FRK: variants seen among roughly 807,000 people sequenced by gnomAD.
The protein encoded by FRK is tyrosine-protein kinase FRK.
A neutral mutation model predicts 56.4 loss-of-function variants in FRK; 51 were observed. The observed-to-expected ratio is 0.90, with a 90% confidence interval of 0.72 to 1.14. The LOEUF (loss-of-function observed/expected upper bound fraction) is 1.14. FRK is among the 50% of genes most tolerant of loss of function. FRK has a pLI of 0.00. For synonymous variants in FRK, 245 were observed against 217.9 expected, an observed-to-expected ratio of 1.12 and a Z score of -1.10; for missense variants, 570 against 601.4, an observed-to-expected ratio of 0.95 and a Z score of 0.55.
the FRK span, among the ~76,000 whole-genome samples, chr6:116,096,744 G>C: frequency 6.6e-6 from 1 of 152,210 alleles, no homozygotes; most frequent in Non-Finnish European, 1.5e-5. Context: ...AATAAAAGCT[G>C]TCCACTCCAG....
chr6:116,099,305 G>A, the FRK span, among the ~76,000 whole-genome samples: 1 of 152,170 alleles, frequency 6.6e-6, no homozygotes, highest in Admixed American at 6.5e-5. Context: ...GTATTACTAA[G>A]GGAAGTCCCT....
intron 4 of FRK, among the ~76,000 whole-genome samples, chr6:115,957,331 T>C (rs138184502): frequency 2.0e-5 from 3 of 152,224 alleles, no homozygotes; most frequent in Non-Finnish European, 4.4e-5. Context: ...CTCTGACTCA[T>C]CATGCAAGGT....
chr6:115,991,303 C>G (rs1774595916), intron 2 of FRK, among the ~76,000 whole-genome samples: 1 of 151,784 alleles, frequency 6.6e-6, no homozygotes, highest in South Asian at 2.1e-4. Flanking sequence ...ATTTCCAGTA[C>G]TATATTGAAT....
Position 116,059,988 on chromosome 6 carries a change from G to A in FRK, c.324C>T (p.Asp108=). Residue 108 remains aspartate, a synonymous_variant, in exon 1 of 8, where the codon GAC becomes GAT. Coordinates refer to ENST00000606080, the MANE Select transcript of FRK (RefSeq NM_002031.3). The stretch of plus-strand genomic sequence containing the variant: ...CTCACGGCTCTGCCTGTAGGCTTCT[G>A]TCCTCAGCCACGTAGTTAGAAGGAA... The part of the protein sequence containing the change: ...GYIPSNYVAE[D]RSLQAEPWFF... 6.2e-7 allele frequency: 1 copy of A among 1,614,024 alleles called. No individual in the cohort carries two copies. The highest frequency in any genetic ancestry group is 8.5e-7 in the Non-Finnish European group (1 of 1,179,918).
intron 2 of FRK, among the ~76,000 whole-genome samples, chr6:115,970,601 T>A (rs1413237238): frequency 1.3e-5 from 2 of 152,206 alleles, no homozygotes; most frequent in Admixed American, 1.3e-4. Context: ...AGTCTCATTA[T>A]TAAAAAGCAA....
chr6:115,958,514 G>C (rs1773105341), intron 4 of FRK, among the ~76,000 whole-genome samples: 1 of 151,704 alleles, frequency 6.6e-6, no homozygotes, highest in Non-Finnish European at 1.5e-5. Context: ...TGTAATCCCA[G>C]CTACTCGGGA....
chr6:115,993,417 T>G (rs1012743950), intron 2 of FRK, among the ~76,000 whole-genome samples: 2 of 151,910 alleles, frequency 1.3e-5, no homozygotes. Flanking sequence ...TTTCCCTGGA[T>G]GTTCACAGAA....
At chr6:116,014,069 A>C (rs1414665436) in intron 1 of FRK, among the ~76,000 whole-genome samples, 2 of 152,220 alleles carry the variant, frequency 1.3e-5, no homozygotes, top group Non-Finnish European at 2.9e-5. Context: ...TCAGTGATGC[A>C]CTATGATGTC....
At chr6:116,072,040 G>T in the FRK span, among the ~76,000 whole-genome samples, 2 of 152,186 alleles carry the variant, frequency 1.3e-5, no homozygotes, top group Non-Finnish European at 2.9e-5. Flanking sequence ...GTCATGAAAA[G>T]AGGTACAGCC....
chr6:115,958,285 C>T (rs1191074906), intron 4 of FRK, among the ~76,000 whole-genome samples: 1 of 760 alleles, frequency 1.3e-3, no homozygotes. Flanking sequence ...CCACTACCAC[C>T]CCCCCCAAAA....
At chr6:116,025,668 T>A (rs1241461995) in intron 1 of FRK, among the ~76,000 whole-genome samples, 1 of 152,194 alleles carries the variant, frequency 6.6e-6, no homozygotes, top group Non-Finnish European at 1.5e-5. Flanking sequence ...GCACCCAACA[T>A]ATGTGGTTAT....
intron 5 of FRK, among the ~76,000 whole-genome samples, chr6:115,948,973 A>G (rs778301276): frequency 5.3e-5 from 8 of 152,306 alleles, no homozygotes; most frequent in Non-Finnish European, 8.8e-5. Context: ...TACTTACCTC[A>G]TAATGTGGTT....
the FRK span, among the ~76,000 whole-genome samples, chr6:116,076,738 G>A: frequency 2.0e-5 from 3 of 152,136 alleles, no homozygotes; most frequent in Admixed American, 1.3e-4. Context: ...TGAGCTGGCT[G>A]CACAAATGGC....
the FRK span, among the ~76,000 whole-genome samples, chr6:116,084,425 G>C: frequency 6.6e-6 from 1 of 152,186 alleles, no homozygotes; most frequent in Non-Finnish European, 1.5e-5. Context: ...TCACAGTTCA[G>C]CTGGGGACTG....
At chr6:116,010,298 G>T (rs1269485779) in intron 1 of FRK, among the ~76,000 whole-genome samples, 1 of 151,994 alleles carries the variant, frequency 6.6e-6, no homozygotes, top group Non-Finnish European at 1.5e-5. Context: ...TAATGACAGA[G>T]GAGTTTCACT....
intron 1 of FRK, among the ~76,000 whole-genome samples, chr6:116,029,361 G>C (rs1419004810): frequency 6.6e-6 from 1 of 152,076 alleles, no homozygotes; most frequent in East Asian, 1.9e-4. Context: ...TGTAACCCCA[G>C]GGCCTAAAAT....
intron 1 of FRK, among the ~76,000 whole-genome samples, chr6:116,057,286 GA>G (rs1397487144): frequency 2.6e-5 from 4 of 151,772 alleles, no homozygotes; most frequent in African/African-American, 9.7e-5. Flanking sequence ...GCATTCAGGA[GA>G]AAAAAATAGA....
intron 2 of FRK, among the ~76,000 whole-genome samples, chr6:115,990,079 T>C (rs1197301499): frequency 6.6e-6 from 1 of 151,982 alleles, no homozygotes; most frequent in African/African-American, 2.4e-5. Context: ...CTTCTGTGTC[T>C]TTTGAGGAAT....
At chr6:116,086,500 C>T in the FRK span, among the ~76,000 whole-genome samples, 1 of 152,036 alleles carries the variant, frequency 6.6e-6, no homozygotes, top group African/African-American at 2.4e-5. Context: ...TATAGTCTGC[C>T]CATCAGTTCT....
Sources: gnomAD v4.1 joint callset for allele counts (sites outside exome capture counted in the v4.1 genomes callset) on GRCh38, gnomAD v4.1.1 for gene constraint, MANE v1.5 for transcripts, NCBI Gene and HGNC (gene_info 2026-07-23, HGNC 2026-07-21) for gene names.